HPD: variants seen among roughly 807,000 people sequenced by gnomAD.
HPD encodes 4-hydroxyphenylpyruvic acid oxidase.
In HPD, 35 loss-of-function variants were observed where a neutral mutation model predicts 56.9. The observed-to-expected ratio is 0.62, with a 90% CI of 0.47 to 0.82. HPD has a LOEUF of 0.82. Ranked by LOEUF, HPD falls within the 40% of genes least tolerant of loss-of-function variation. The pLI is 0.00. For synonymous variants in HPD, 186 were observed against 200.2 expected, an observed-to-expected ratio of 0.93 and a Z score of 0.60; for missense variants, 442 against 506.8, an observed-to-expected ratio of 0.87 and a Z score of 1.23.
chr12:121,883,780 A>G, the HPD span, among the ~76,000 whole-genome samples: 1 of 151,194 alleles, frequency 6.6e-6, no homozygotes, highest in African/African-American at 2.4e-5. Flanking sequence ...CTGCCTCCCA[A>G]AGTGCTAGGA....
At chr12:121,875,250 A>G in the HPD span, among the ~76,000 whole-genome samples, 5 of 152,206 alleles carry the variant, frequency 3.3e-5, no homozygotes, top group Admixed American at 2.0e-4. Context: ...AAAACAGTCA[A>G]TGAGGGAAAA....
At chr12:121,880,448 C>A in the HPD span, among the ~76,000 whole-genome samples, 1 of 152,150 alleles carries the variant, frequency 6.6e-6, no homozygotes, top group Non-Finnish European at 1.5e-5. Flanking sequence ...CCCGCCTTGG[C>A]CTCCCAAAGT....
At chr12:121,885,173 G>T in the HPD span, among the ~76,000 whole-genome samples, 1 of 150,510 alleles carries the variant, frequency 6.6e-6, no homozygotes, top group South Asian at 2.1e-4. Flanking sequence ...TTACAGGCGT[G>T]AGCCACCATG....
chr12:121,862,147 G>A (rs1207689020), upstream of HPD, among the ~76,000 whole-genome samples: 1 of 152,192 alleles, frequency 6.6e-6, no homozygotes, highest in Non-Finnish European at 1.5e-5. Flanking sequence ...CTAGGACCCT[G>A]GCAGATTAGA....
At chr12:121,846,778 G>C in intron 11 of HPD, 84 bp downstream of exon 11, 1 of 1,307,144 alleles carries the variant, frequency 7.7e-7, no homozygotes. Flanking sequence ...GCCCAGGACT[G>C]CCGCCACCCG....
chr12:121,854,813 G>A, intron 6 of HPD, 21 bp from the exon 7 acceptor site: 1 of 1,590,874 alleles, frequency 6.3e-7, no homozygotes, highest in South Asian at 1.1e-5. Context: ...GATGGGATCG[G>A]GGAATTGGTG....
chr12:121,869,816 T>G, the HPD span, among the ~76,000 whole-genome samples: 1 of 152,202 alleles, frequency 6.6e-6, no homozygotes, highest in Non-Finnish European at 1.5e-5. Flanking sequence ...TGAGCCACCA[T>G]GCCTGGCCTT....
chr12:121,844,350 A>G (rs1315954713), intron 11 of HPD, among the ~76,000 whole-genome samples: 1 of 151,812 alleles, frequency 6.6e-6, no homozygotes, highest in African/African-American at 2.4e-5. Context: ...CGGCCTGAGC[A>G]CTTTCTACGT....
chr12:121,843,589 T>G lies in HPD; in HGVS notation c.954+121A>C, dbSNP rs894516651. On this transcript the variant is annotated intron_variant, in intron 12 of 13. Coordinates refer to ENST00000289004, the MANE Select transcript of HPD (RefSeq NM_002150.3). ...CCTCCCACATAGACCCTAGAATAAA[T>G]GTCCTTTGCCAGCAGGGACTTGGTC... The G allele has an allele frequency of 2.7e-6, 3 of 1,114,540 alleles. No individual in the cohort carries two copies. The Admixed American group carries it at 5.8e-5, about 22-fold the overall frequency. 69.0% of individuals were successfully genotyped at this position (1,114,540 alleles called of 1,614,324 possible). A position where few individuals can be genotyped will look rare whatever the true frequency, so the allele number is the denominator to read the frequency against.
intron 9 of HPD, 49 bp from the exon 10 acceptor site, chr12:121,847,263 G>T (rs78792777): frequency 3.8e-6 from 6 of 1,579,276 alleles, no homozygotes; most frequent in Non-Finnish European, 2.6e-6. Flanking sequence ...CTCCAGGGAC[G>T]GCCTCCATCA....
chr12:121,848,765 C>T (rs1052349490), intron 9 of HPD, among the ~76,000 whole-genome samples: 14 of 152,122 alleles, frequency 9.2e-5, no homozygotes, highest in Non-Finnish European at 1.8e-4. Flanking sequence ...AACACCTCGC[C>T]CACTGAGTTT....
intron 11 of HPD, among the ~76,000 whole-genome samples, chr12:121,844,933 A>C (rs1006452386): frequency 7.3e-5 from 11 of 151,712 alleles, no homozygotes; most frequent in Middle Eastern, 6.8e-3. Context: ...ATACAAAAAA[A>C]GTTATCCAGG....
chr12:121,858,960 G>A, upstream of HPD: 7 of 979,838 alleles, frequency 7.1e-6, no homozygotes, highest in East Asian at 2.5e-5. Flanking sequence ...CCCAGCCCTG[G>A]AAGGTTCCAG....
chr12:121,861,450 C>G (rs542820479), upstream of HPD, among the ~76,000 whole-genome samples: 1 of 151,856 alleles, frequency 6.6e-6, no homozygotes, highest in Admixed American at 6.6e-5. Context: ...GGTTGCAATG[C>G]GAGATTGTGC....
intron 12 of HPD, among the ~76,000 whole-genome samples, chr12:121,842,901 C>A (rs900979500): frequency 6.6e-6 from 1 of 151,830 alleles, no homozygotes; most frequent in Non-Finnish European, 1.5e-5. Flanking sequence ...GCATGTGTCA[C>A]CACGCCTGGC....
At chr12:121,888,084 T>TA in the HPD span, among the ~76,000 whole-genome samples, 9 of 152,196 alleles carry the variant, frequency 5.9e-5, no homozygotes, top group Non-Finnish European at 1.2e-4. Context: ...GTTGAATTAA[T>TA]ATATGTAAGG....
chr12:121,875,660 A>G, the HPD span, among the ~76,000 whole-genome samples: 1 of 152,166 alleles, frequency 6.6e-6, no homozygotes, highest in African/African-American at 2.4e-5. Flanking sequence ...TCTTGGGCTC[A>G]AGTACACTGC....
rs200528285 is a variant in HPD at position 121,854,811 on chromosome 12, C to G, written c.325-19G>C. On this transcript the variant is annotated intron_variant, in intron 6 of 13. Coordinates refer to ENST00000289004, the MANE Select transcript of HPD (RefSeq NM_002150.3). ...GTGCTTTCTGCAGAGAAGATGGGAT[C>G]GGGGAATTGGTGAGGGCTGGAGCCT... 1,537 of 1,598,310 alleles carry G rather than the reference C, an allele frequency of 9.6e-4. 2 individuals carry two copies. The highest frequency in any genetic ancestry group is 2.4e-3 in the Admixed American group (143 of 59,980).
the HPD span, among the ~76,000 whole-genome samples, chr12:121,870,595 GT>G: frequency 1.7e-3 from 209 of 123,252 alleles, no homozygotes; most frequent in Admixed American, 3.9e-3. Flanking sequence ...GCTATTGAAG[GT>G]TTTTTTTTTT....
Sources: allele counts gnomAD v4.1 joint callset (sites outside exome capture counted in the v4.1 genomes callset), GRCh38; gene constraint gnomAD v4.1.1; transcripts MANE v1.5; gene names NCBI Gene and HGNC (gene_info 2026-07-23, HGNC 2026-07-21).